Variants in MPRIP observed in about 807,000 individuals in gnomAD.
The protein encoded by MPRIP is myosin phosphatase Rho-interacting protein.
Under a neutral mutation model 234.9 loss-of-function variants are expected in MPRIP, and 59 were observed. That is an observed-to-expected ratio of 0.25 (90% CI 0.20 to 0.31). MPRIP has a LOEUF of 0.31. Ranked by LOEUF, MPRIP falls within the 10% of genes least tolerant of loss-of-function variation. The pLI, the probability that MPRIP is intolerant of heterozygous loss-of-function variation, is 1.00. For missense variants in MPRIP, 2,436 were observed against 3,071.0 expected, an observed-to-expected ratio of 0.79 and a Z score of 4.89; for synonymous variants, 1,144 against 1,263.9, an observed-to-expected ratio of 0.91 and a Z score of 2.01.
chr17:17,183,523 G>A (rs2046415514), intron 23 of MPRIP, among the ~76,000 whole-genome samples: 2 of 152,140 alleles, frequency 1.3e-5, no homozygotes, highest in Admixed American at 1.3e-4. Context: ...GCCTGGACCA[G>A]TGAGTTTTAA....
chr17:17,174,103 G>A, intron 19 of MPRIP, 28 bp downstream of exon 19: 1 of 1,610,046 alleles, frequency 6.2e-7, no homozygotes, highest in Non-Finnish European at 8.5e-7. Flanking sequence ...TGAGCCCAAG[G>A]TTAGTCAGGG....
In MPRIP at chr17:17,075,970, T is replaced by C. The variant is rs181430648; in HGVS notation, c.201+183T>C. ...CAGAAAAGGTCTCAATTATACATAG[T>C]TGTGTGTAGTGCTCCCTTCAGAATG... is the stretch of plus-strand genomic sequence containing the variant. On this transcript the variant is annotated intron_variant, in intron 2 of 23. Transcript: ENST00000651222. 1.6e-3 allele frequency: 919 copies of C among 588,316 alleles called. 4 individuals carry two copies. The highest frequency in any genetic ancestry group is 2.4e-3 in the Non-Finnish European group (790 of 332,900). The allele number at this position is 588,316 out of a possible 1,614,324, so 36.4% of individuals were successfully genotyped here. A position where few individuals can be genotyped will look rare whatever the true frequency, so the allele number is the denominator to read the frequency against.
chr17:17,065,922 T>C (rs2089010779), intron 1 of MPRIP, among the ~76,000 whole-genome samples: 1 of 152,204 alleles, frequency 6.6e-6, no homozygotes, highest in African/African-American at 2.4e-5. Flanking sequence ...TTTTAAGTGG[T>C]ATTGTATTTT....
chr17:17,109,325 G>A (rs760824932), intron 3 of MPRIP, among the ~76,000 whole-genome samples: 1 of 152,220 alleles, frequency 6.6e-6, no homozygotes, highest in Non-Finnish European at 1.5e-5. Flanking sequence ...GGCCAGAGGA[G>A]CCATACATAG....
chr17:17,047,548 G>A (rs934036289), intron 1 of MPRIP, among the ~76,000 whole-genome samples: 10 of 152,166 alleles, frequency 6.6e-5, no homozygotes, highest in African/African-American at 2.4e-4. Flanking sequence ...AAAGGCAGAA[G>A]ATCTACTGGA....
intron 12 of MPRIP, among the ~76,000 whole-genome samples, chr17:17,150,697 CA>C (rs35336436): frequency 0.093 from 6,798 of 73,466 alleles, 299 homozygotes; most frequent in African/African-American, 0.22. Context: ...GCACTGTTCT[CA>C]AAAAAAAAAA....
At chr17:17,050,644 C>T (rs1192409612) in intron 1 of MPRIP, among the ~76,000 whole-genome samples, 2 of 152,202 alleles carry the variant, frequency 1.3e-5, no homozygotes, top group African/African-American at 4.8e-5. Context: ...TCCTCCTTGG[C>T]CCTTGGTGTC....
intron 3 of MPRIP, among the ~76,000 whole-genome samples, chr17:17,086,486 CTG>C (rs2089593991): frequency 6.6e-6 from 1 of 152,212 alleles, no homozygotes; most frequent in Non-Finnish European, 1.5e-5. Flanking sequence ...GCGGTGGAGT[CTG>C]TGCGATGCTC....
intron 16 of MPRIP, chr17:17,169,126 T>G: frequency 2.5e-6 from 1 of 404,618 alleles, no homozygotes; most frequent in Non-Finnish European, 5.0e-6. Context: ...AAAACCATTA[T>G]GAGTTGTGAG....
In MPRIP at chr17:17,189,316, G is replaced by C. The variant is rs1221049013; in HGVS notation, c.*4422G>C. The stretch of plus-strand genomic sequence containing the variant: ...CCATTCTCCTGCCTCAGCCTCCCGA[G>C]TAGCTGGGACTACAGGTGTCTGCCG... On this transcript the variant is annotated 3_prime_UTR_variant, in exon 24 of 24. Transcript: ENST00000651222. The C allele has an allele frequency of 1.3e-5, 2 of 152,362 alleles. No individual in the cohort carries two copies. The highest frequency in any genetic ancestry group is 3.4e-3 in the Middle Eastern group (1 of 294). 9.4% of individuals were successfully genotyped at this position (152,362 alleles called of 1,614,324 possible).
intron 1 of MPRIP, among the ~76,000 whole-genome samples, chr17:17,059,933 A>C (rs1482915594): frequency 6.6e-6 from 1 of 152,192 alleles, no homozygotes; most frequent in Non-Finnish European, 1.5e-5. Flanking sequence ...ACTCCCAATT[A>C]AGACAATAAA....
Position 17,189,539 on chromosome 17 carries a change from G to A in MPRIP, c.*4645G>A, listed in dbSNP as rs2046545641. On this transcript the variant is annotated 3_prime_UTR_variant, in exon 24 of 24. Coordinates refer to ENST00000651222, the MANE Select transcript of MPRIP (RefSeq NM_001364716.4). Reference sequence around the variant, plus strand: ...CTGTGACCCCTTTGTCACTAAGGGAGAAAGAAATTAAGTATTGTCAAAGTT... The same window carrying A: ...CTGTGACCCCTTTGTCACTAAGGGAAAAAGAAATTAAGTATTGTCAAAGTT... 6.6e-6 allele frequency: 1 copy of A among 152,014 alleles called. No individual in the cohort carries two copies. The highest frequency in any genetic ancestry group is 1.5e-5 in the Non-Finnish European group (1 of 68,006). The allele number at this position is 152,014 out of a possible 1,614,324, so 9.4% of individuals were successfully genotyped here.
chr17:17,147,506 T>G (rs1011659736), intron 11 of MPRIP, 119 bp downstream of exon 11: 2 of 955,274 alleles, frequency 2.1e-6, no homozygotes, highest in Non-Finnish European at 3.4e-6. Flanking sequence ...ACAGCGCCCT[T>G]CGGTGGTGTT....
Position 17,144,810 on chromosome 17 carries a change from C to T in MPRIP, c.1503+1141C>T, listed in dbSNP as rs575692165. Among the ~76,000 whole-genome samples, 142 of 152,220 alleles carry T rather than the reference C, an allele frequency of 9.3e-4. 2 individuals are homozygous for T. Among genetic ancestry groups the T allele is most frequent in the Admixed American group, 8.2e-3 (126 of 15,294 alleles). On this transcript the variant is annotated intron_variant, in intron 9 of 23. Transcript: ENST00000651222. ...GGCGGAGGTTGCAGTGAGCTGAGAT[C>T]GCGCCACTGCACTCCGGCCTGGCGA...
intron 3 of MPRIP, among the ~76,000 whole-genome samples, chr17:17,105,542 A>G (rs1399069241): frequency 6.6e-6 from 1 of 152,250 alleles, no homozygotes; most frequent in Non-Finnish European, 1.5e-5. Context: ...CAGTCAAGAC[A>G]GGAAAGCTCT....
chr17:17,053,047 AC>A (rs1277845156), intron 1 of MPRIP, among the ~76,000 whole-genome samples: 1 of 151,808 alleles, frequency 6.6e-6, no homozygotes, highest in African/African-American at 2.4e-5. Flanking sequence ...CTGATGCCAT[AC>A]CCAGAGCCTC....
Position 17,121,980 on chromosome 17 carries a change from A to G in MPRIP, c.268-4722A>G, listed in dbSNP as rs1040056030. 3.3e-5 allele frequency among the ~76,000 whole-genome samples: 5 copies of G among 152,294 alleles called. No homozygotes were observed. In the South Asian group the frequency reaches 8.3e-4, roughly 25 times the overall value. On this transcript the variant is annotated intron_variant, in intron 3 of 23. Coordinates refer to ENST00000651222, the MANE Select transcript of MPRIP (RefSeq NM_001364716.4). ...CTCCAGCTCCATCCATGTCCCTGCA[A>G]AGGGTATTATCTCATTCTTTTTTAT...
intron 10 of MPRIP, 121 bp from the exon 11 acceptor site, chr17:17,147,197 GT>G (rs1370253447): frequency 1.1e-6 from 1 of 902,494 alleles, no homozygotes; most frequent in African/African-American, 1.6e-5. Flanking sequence ...GGGCCAGCCT[GT>G]CCCCTGCTTT....
rs2046520378 is a variant in MPRIP, at chr17:17,188,430, GAGT to G, written c.*3537_*3539del. The G allele has an allele frequency of 6.9e-6, 1 of 145,066 alleles. No individual in the cohort carries two copies. Among genetic ancestry groups the G allele is most frequent in the Admixed American group, 6.7e-5 (1 of 14,880 alleles). 9.0% of individuals were successfully genotyped at this position (145,066 alleles called of 1,614,324 possible). A position where few individuals can be genotyped will look rare whatever the true frequency, so the allele number is the denominator to read the frequency against. On this transcript the variant is annotated 3_prime_UTR_variant, in exon 24 of 24. Coordinates refer to ENST00000651222, the MANE Select transcript of MPRIP (RefSeq NM_001364716.4). ...AGCAAGGCCCCACAGCCTGCTTAGT[GAGT>G]TGGAAGGCCCAGCAAGAACCTGTTT...
Sources: gnomAD v4.1 joint callset for allele counts (sites outside exome capture counted in the v4.1 genomes callset) on GRCh38, gnomAD v4.1.1 for gene constraint, MANE v1.5 for transcripts, NCBI Gene and HGNC (gene_info 2026-07-23, HGNC 2026-07-21) for gene names.